SLC37A1: variants seen among roughly 807,000 people sequenced by gnomAD.
The protein encoded by SLC37A1 is solute carrier family 37 member 1, also known as glucose-6-phosphate exchanger SLC37A1.
In SLC37A1, 49 loss-of-function variants were observed where a neutral mutation model predicts 75.3. That is an observed-to-expected ratio of 0.65 (90% CI 0.52 to 0.83). The LOEUF (loss-of-function observed/expected upper bound fraction) is 0.83. Among genes scored for constraint, SLC37A1 ranks in the 40% least tolerant of loss-of-function variants. The probability of loss-of-function intolerance (pLI) is 0.00; values close to 1 mark genes in which losing one functional copy is unlikely to be tolerated. For synonymous variants in SLC37A1, 268 were observed against 292.1 expected, an observed-to-expected ratio of 0.92 and a Z score of 0.84; for missense variants, 566 against 695.0, an observed-to-expected ratio of 0.81 and a Z score of 2.09.
chr21:42,526,405 G>A (rs1422479391), intron 3 of SLC37A1, among the ~76,000 whole-genome samples: 7 of 152,182 alleles, frequency 4.6e-5, no homozygotes, highest in African/African-American at 1.4e-4. Flanking sequence ...TTGGGATTAC[G>A]TCACCCGGCC....
At position 42,580,491 on chromosome 21, in the gene SLC37A1, GAC is replaced by G; in HGVS notation, c.*135_*136del. On this transcript the variant is annotated 3_prime_UTR_variant, in exon 20 of 20. Transcript: ENST00000352133. ...GCCTTTTGCACACGCACCTGGAAAA[GAC>G]ACAGAAGCCAACCTGAGAACCCCTG... 1.0e-6 allele frequency: 1 copy of G among 992,058 alleles called. No individual in the cohort carries two copies. The highest frequency in any genetic ancestry group is 2.6e-5 in the East Asian group (1 of 38,128). 61.5% of individuals were successfully genotyped at this position (992,058 alleles called of 1,614,324 possible).
intron 6 of SLC37A1, 27 bp downstream of exon 6, chr21:42,539,674 A>G: frequency 6.2e-7 from 1 of 1,600,078 alleles, no homozygotes; most frequent in East Asian, 2.3e-5. Flanking sequence ...GTGGCTCACC[A>G]TGTACGGGGT....
chr21:42,501,272 C>A (rs1199399284), intron 1 of SLC37A1, among the ~76,000 whole-genome samples: 1 of 152,156 alleles, frequency 6.6e-6, no homozygotes, highest in Non-Finnish European at 1.5e-5. Flanking sequence ...AATCACACTC[C>A]ATTTTCCGAG....
At chr21:42,539,680 G>A (rs775118028) in intron 6 of SLC37A1, 33 bp downstream of exon 6, 11 of 1,595,768 alleles carry the variant, frequency 6.9e-6, no homozygotes, top group Non-Finnish European at 8.5e-6. Flanking sequence ...CACCATGTAC[G>A]GGGTTTCCTT....
chr21:42,518,889 G>C (rs754048123), intron 2 of SLC37A1, among the ~76,000 whole-genome samples: 7 of 152,206 alleles, frequency 4.6e-5, no homozygotes, highest in Non-Finnish European at 7.3e-5. Context: ...GGCCTTGCCG[G>C]GGCAGAACTT....
chr21:42,534,012 A>G (rs970103392), intron 3 of SLC37A1, among the ~76,000 whole-genome samples: 1 of 152,162 alleles, frequency 6.6e-6, no homozygotes, highest in African/African-American at 2.4e-5. Flanking sequence ...TTCAGTGTAC[A>G]GTTTGGCAGA....
chr21:42,579,629 A>T, intron 18 of SLC37A1, 107 bp from the exon 19 acceptor site: 1 of 846,726 alleles, frequency 1.2e-6, no homozygotes, highest in Non-Finnish European at 1.7e-6. Context: ...CTGTGGGGAG[A>T]GAGCCACCCG....
chr21:42,573,984 G>T (rs2056248824), intron 17 of SLC37A1, among the ~76,000 whole-genome samples: 1 of 142,726 alleles, frequency 7.0e-6, no homozygotes, highest in Non-Finnish European at 1.5e-5. Context: ...AAAGAATTCA[G>T]ACATTTTAGT....
At chr21:42,567,617 G>C in intron 16 of SLC37A1, among the ~76,000 whole-genome samples, 1 of 152,196 alleles carries the variant, frequency 6.6e-6, no homozygotes, top group East Asian at 1.9e-4. Flanking sequence ...TTCAAAATAC[G>C]TAGGTTCTGG....
rs377369882 is a variant in SLC37A1 at position 42,577,151 on chromosome 21, G to T, written c.1521+2236G>T. On this transcript the variant is annotated intron_variant, in intron 18 of 19. Coordinates refer to ENST00000352133, the MANE Select transcript of SLC37A1 (RefSeq NM_001320537.2). The stretch of plus-strand genomic sequence containing the variant: ...CTCCCAGCAAAAATTGCTAAACAAT[G>T]TATTTAGAGAAGGAAGATAGATCCA... Among the ~76,000 whole-genome samples, 22 of 152,326 alleles carry T rather than the reference G, an allele frequency of 1.4e-4. No individual in the cohort carries two copies. In the South Asian group the frequency reaches 1.5e-3, roughly 10 times the overall value.
In SLC37A1 at chr21:42,580,608, C is replaced by T. The variant is rs949342350; in HGVS notation, c.*248C>T. On this transcript the variant is annotated 3_prime_UTR_variant, in exon 20 of 20. Transcript: ENST00000352133. The stretch of plus-strand genomic sequence containing the variant: ...GAGCCAAGCCAGAGAACCGAAGACC[C>T]GGCCGGCCCTGGCCTCACAGGCGTG... 5 of 357,992 alleles carry T rather than the reference C, an allele frequency of 1.4e-5. No homozygotes were observed. The highest frequency in any genetic ancestry group is 7.6e-5 in the East Asian group (1 of 13,232). 22.2% of individuals were successfully genotyped at this position (357,992 alleles called of 1,614,324 possible). A position where few individuals can be genotyped will look rare whatever the true frequency, so the allele number is the denominator to read the frequency against.
intron 18 of SLC37A1, chr21:42,575,635 C>T: frequency 1.0e-6 from 1 of 985,488 alleles, no homozygotes; most frequent in Non-Finnish European, 1.2e-6. Flanking sequence ...CACAAAGTCC[C>T]CAGACCCACA....
chr21:42,501,796 CTT>C (rs2054344274), intron 1 of SLC37A1, among the ~76,000 whole-genome samples: 1 of 152,206 alleles, frequency 6.6e-6, no homozygotes, highest in South Asian at 2.1e-4. Context: ...GGAGGTCACT[CTT>C]TCCTACTGGT....
At chr21:42,539,869 A>G (rs228064) in intron 6 of SLC37A1, among the ~76,000 whole-genome samples, 152,338 of 152,338 alleles carry the variant, frequency 1, 76,169 homozygotes, top group Non-Finnish European at 1. Flanking sequence ...GCCTCGTAAA[A>G]AATGCTGTCT....
chr21:42,568,292 A>T lies in SLC37A1; in HGVS notation c.1345-68A>T, dbSNP rs2056031994. On this transcript the variant is annotated intron_variant, in intron 16 of 19. Transcript: ENST00000352133. ...TGCAGAGCAGTTTGAGTAAATGGTCATACAGAGGCTTAGGTTTACTTCTCA... is the reference window on the plus strand; with the variant it reads ...TGCAGAGCAGTTTGAGTAAATGGTCTTACAGAGGCTTAGGTTTACTTCTCA... 2.3e-6 allele frequency: 3 copies of T among 1,284,744 alleles called. No individual in the cohort carries two copies. In the East Asian group the frequency reaches 7.1e-5, roughly 30 times the overall value. The allele number at this position is 1,284,744 out of a possible 1,614,324, so 79.6% of individuals were successfully genotyped here. A position where few individuals can be genotyped will look rare whatever the true frequency, so the allele number is the denominator to read the frequency against.
At chr21:42,562,043 A>G (rs973566135) in intron 11 of SLC37A1, 35 bp from the exon 12 acceptor site, 1 of 1,565,336 alleles carries the variant, frequency 6.4e-7, no homozygotes, top group African/African-American at 1.4e-5. Flanking sequence ...CTGACTCCAC[A>G]TTTGGAGGAG....
intron 11 of SLC37A1, 75 bp downstream of exon 11, chr21:42,559,164 T>G (rs2055763750): frequency 6.5e-7 from 1 of 1,541,066 alleles, no homozygotes; most frequent in South Asian, 1.2e-5. Context: ...CGGTTGATGA[T>G]TAAGCTTAAA....
chr21:42,575,038 C>T (rs912508276), intron 18 of SLC37A1, 123 bp downstream of exon 18: 1 of 1,473,134 alleles, frequency 6.8e-7, no homozygotes, highest in African/African-American at 1.4e-5. Context: ...GTCTTCCCAT[C>T]TTTTCTAAAT....
rs908338046 is a variant in SLC37A1 at position 42,564,927 on chromosome 21, C to A, written c.1221+134C>A. 9 of 781,698 alleles carry A rather than the reference C, an allele frequency of 1.2e-5. No homozygotes were observed. In the East Asian group the frequency reaches 2.4e-4, roughly 21 times the overall value. The allele number at this position is 781,698 out of a possible 1,614,324, so 48.4% of individuals were successfully genotyped here. On this transcript the variant is annotated intron_variant, in intron 14 of 19. Transcript: ENST00000352133. ...GCCCGCTTCATTCCCTCTCATGCCT[C>A]CTGTCCCCCGACCCCTCCCTTGGCA...
Sources: gnomAD v4.1 joint callset for allele counts (sites outside exome capture counted in the v4.1 genomes callset) on GRCh38, gnomAD v4.1.1 for gene constraint, MANE v1.5 for transcripts, NCBI Gene and HGNC (gene_info 2026-07-23, HGNC 2026-07-21) for gene names.